The following BRD4 variants were observed in gnomAD, a reference collection of about 807,000 sequenced individuals.
The protein encoded by BRD4 is bromodomain-containing protein 4.
BRD4 carries 16 observed loss-of-function variants against 142.1 expected under a neutral mutation model. That is an observed-to-expected ratio of 0.11 (90% CI 0.08 to 0.17). The LOEUF (loss-of-function observed/expected upper bound fraction) is 0.17. Ranked by LOEUF, BRD4 falls within the 10% of genes least tolerant of loss-of-function variation. The pLI, the probability that BRD4 is intolerant of heterozygous loss-of-function variation, is 1.00. For synonymous variants in BRD4, 833 were observed against 707.5 expected (o/e 1.18, Z -2.82); for missense variants, 1,424 against 1,810.9 (o/e 0.79, Z 3.88).
intron 1 of BRD4, among the ~76,000 whole-genome samples, chr19:15,315,088 T>G (rs559424951): frequency 6.6e-6 from 1 of 152,262 alleles, no homozygotes; most frequent in African/African-American, 2.4e-5. Context: ...ACTTTTCAAC[T>G]AGCTTACTAG....
intron 1 of BRD4, among the ~76,000 whole-genome samples, chr19:15,277,513 G>A (rs939284744): frequency 1.3e-5 from 2 of 152,028 alleles, no homozygotes; most frequent in South Asian, 2.1e-4. Flanking sequence ...CAGGCACAGT[G>A]GCTCACGCCT....
chr19:15,313,673 C>A (rs908731658), intron 1 of BRD4, among the ~76,000 whole-genome samples: 5 of 152,042 alleles, frequency 3.3e-5, no homozygotes. Flanking sequence ...AAAACTCCAT[C>A]TCAAAAAAAG....
At chr19:15,313,334 C>T (rs976082610) in intron 1 of BRD4, among the ~76,000 whole-genome samples, 1 of 142,492 alleles carries the variant, frequency 7.0e-6, no homozygotes, top group African/African-American at 2.6e-5. Context: ...TATCGTGCCA[C>T]TTCACTCCAG....
At chr19:15,288,012 C>G (rs1346288372) in intron 1 of BRD4, among the ~76,000 whole-genome samples, 2 of 152,162 alleles carry the variant, frequency 1.3e-5, no homozygotes, top group African/African-American at 4.8e-5. Context: ...AGATGATCTG[C>G]CCACCTCGGC....
intron 1 of BRD4, among the ~76,000 whole-genome samples, chr19:15,296,949 T>A (rs1344304057): frequency 6.6e-6 from 1 of 152,038 alleles, no homozygotes; most frequent in Non-Finnish European, 1.5e-5. Flanking sequence ...AGCCACCACA[T>A]GAAACAAACA....
chr19:15,330,009 C>T (rs899371483), intron 1 of BRD4, among the ~76,000 whole-genome samples: 3 of 152,258 alleles, frequency 2.0e-5, no homozygotes, highest in Non-Finnish European at 4.4e-5. Context: ...TTTTCCCTCG[C>T]TGTCCTCCAG....
intron 1 of BRD4, among the ~76,000 whole-genome samples, chr19:15,276,722 T>C (rs1288730545): frequency 6.6e-6 from 1 of 152,058 alleles, no homozygotes; most frequent in Non-Finnish European, 1.5e-5. Flanking sequence ...CAGTTCACAC[T>C]CTCACATGGA....
rs2047195667 is a variant in BRD4 at position 15,236,866 on chromosome 19, T to C, written c.*1511A>G. ...AAAAAAGAGAGATGTGTTTATTCCA[T>C]GATCAGTACAGACCAAATGCATATT... On this transcript the variant is annotated 3_prime_UTR_variant, in exon 20 of 20. Transcript: ENST00000679869. The C allele has an allele frequency of 5.1e-6, 1 of 194,228 alleles. No individual in the cohort carries two copies. Among genetic ancestry groups the C allele is most frequent in the Admixed American group, 6.1e-5 (1 of 16,300 alleles). The allele number at this position is 194,228 out of a possible 1,614,324, so 12.0% of individuals were successfully genotyped here. A position where few individuals can be genotyped will look rare whatever the true frequency, so the allele number is the denominator to read the frequency against.
intron 1 of BRD4, among the ~76,000 whole-genome samples, chr19:15,315,930 C>CGG (rs1409350537): frequency 6.6e-6 from 1 of 150,618 alleles, no homozygotes; most frequent in Non-Finnish European, 1.5e-5. Flanking sequence ...CCGAGGCGGG[C>CGG]GGATCACGAG....
chr19:15,274,570 G>T (rs181665303), intron 1 of BRD4, among the ~76,000 whole-genome samples: 1,894 of 152,318 alleles, frequency 0.012, 35 homozygotes, highest in African/African-American at 0.044. Context: ...GGCAGGAGCA[G>T]CCCAGCCACA....
chr19:15,319,935 CCAAAA>C (rs755820581), intron 1 of BRD4, among the ~76,000 whole-genome samples: 2 of 152,114 alleles, frequency 1.3e-5, no homozygotes, highest in East Asian at 1.9e-4. Flanking sequence ...GACTCTACCT[CCAAAA>C]CAAAACAAAA....
At chr19:15,329,294 A>G (rs1237681484) in intron 1 of BRD4, among the ~76,000 whole-genome samples, 3 of 152,184 alleles carry the variant, frequency 2.0e-5, no homozygotes, top group Non-Finnish European at 2.9e-5. Context: ...GAACATAAAG[A>G]CAAACATGGT....
chr19:15,251,041 T>C (rs1053559690), intron 11 of BRD4, among the ~76,000 whole-genome samples: 4 of 152,078 alleles, frequency 2.6e-5, no homozygotes, highest in Admixed American at 2.0e-4. Flanking sequence ...GCCCAAGCAA[T>C]AGCTGGAATC....
At chr19:15,261,488 AAAAG>A (rs929447121) in intron 7 of BRD4, among the ~76,000 whole-genome samples, 54 of 152,228 alleles carry the variant, frequency 3.5e-4, no homozygotes, top group East Asian at 7.7e-4. Flanking sequence ...TCTCAAAAAA[AAAAG>A]AAAGAAAGAA....
Position 15,238,336 on chromosome 19 carries a change from G to A in BRD4, c.*41C>T. 6.2e-7 allele frequency: 1 copy of A among 1,613,224 alleles called. No individual in the cohort carries two copies. The highest frequency in any genetic ancestry group is 1.1e-5 in the South Asian group (1 of 91,008). Reference sequence around the variant, plus strand: ...GCCCCTAACACTATGGAAAGTCAATGTTTTGCCAGAAAATCAAAGTCAGAA... The same window carrying A: ...GCCCCTAACACTATGGAAAGTCAATATTTTGCCAGAAAATCAAAGTCAGAA... On this transcript the variant is annotated 3_prime_UTR_variant, in exon 20 of 20. Transcript: ENST00000679869. This position sits in a 1 kb window ranked among gnomAD's most constrained non-coding sequence, Gnocchi z 7.2.
At chr19:15,253,604 C>A in intron 11 of BRD4, 1 of 1,593,182 alleles carries the variant, frequency 6.3e-7, no homozygotes, top group Admixed American at 1.7e-5. Context: ...GAGGGGTAGG[C>A]AATGGCTGGG....
Position 15,244,292 on chromosome 19 carries a change from G to C in BRD4, c.2520C>G (p.Pro840=). Residue 840 remains proline (P), a synonymous_variant, in exon 13 of 20, where the codon CCC becomes CCG. Coordinates refer to ENST00000679869, the MANE Select transcript of BRD4 (RefSeq NM_001379291.1). ...LPQPELPPHL[P]QPPEHSTPPH... Reference sequence around the variant, plus strand: ...GTGGAGTGCTGTGCTCAGGCGGCTGGGGCAGGTGAGGGGGCAGCTCAGGCT... The same window carrying C: ...GTGGAGTGCTGTGCTCAGGCGGCTGCGGCAGGTGAGGGGGCAGCTCAGGCT... 6.3e-7 allele frequency: 1 copy of C among 1,594,832 alleles called. No homozygotes were observed. The highest frequency in any genetic ancestry group is 1.1e-5 in the South Asian group (1 of 87,820).
chr19:15,264,316 T>C, intron 6 of BRD4, 88 bp downstream of exon 6: 1 of 1,488,456 alleles, frequency 6.7e-7, no homozygotes, highest in Non-Finnish European at 8.9e-7. Flanking sequence ...GGCCTGGGCT[T>C]CCTCTTGGAC....
rs2145515235 is a variant in BRD4, at chr19:15,244,214, G to C, written c.2581+17C>G. 6.5e-7 allele frequency: 1 copy of C among 1,546,544 alleles called. No homozygotes were observed. The highest frequency in any genetic ancestry group is 1.2e-5 in the South Asian group (1 of 84,248). ...AGGAAGGGGTCTCAACCCACACTGG[G>C]GCAGGCCACGGCTCACCTGGAGGAG... On this transcript the variant is annotated intron_variant, in intron 13 of 19. Coordinates refer to ENST00000679869, the MANE Select transcript of BRD4 (RefSeq NM_001379291.1).
Sources: gnomAD v4.1 joint callset for allele counts (sites outside exome capture counted in the v4.1 genomes callset) on GRCh38, gnomAD v4.1.1 for gene constraint, Gnocchi (gnomAD v3.1) non-coding constraint, MANE v1.5 for transcripts, NCBI Gene and HGNC (gene_info 2026-07-23, HGNC 2026-07-21) for gene names.